SYCP2L: variants seen among roughly 807,000 people sequenced by gnomAD.
SYCP2L encodes the protein synaptonemal complex protein 2-like.
In SYCP2L, 98 loss-of-function variants were observed where a neutral mutation model predicts 125.8. The ratio of observed to expected loss-of-function variants is 0.78; its 90% CI spans 0.66 to 0.92. The LOEUF (loss-of-function observed/expected upper bound fraction) is 0.92. Among genes scored for constraint, SYCP2L ranks in the 40% least tolerant of loss-of-function variants. The pLI is 0.00. For synonymous variants in SYCP2L, 317 were observed against 325.4 expected, an observed-to-expected ratio of 0.97 and a Z score of 0.28; for missense variants, 842 against 936.4, an observed-to-expected ratio of 0.90 and a Z score of 1.32.
At chr6:10,948,538 A>C (rs1781355853) in intron 23 of SYCP2L, among the ~76,000 whole-genome samples, 1 of 152,168 alleles carries the variant, frequency 6.6e-6, no homozygotes, top group South Asian at 2.1e-4. Flanking sequence ...TATGTTGTTC[A>C]GCCATACTTG....
chr6:10,891,482 T>C, intron 1 of SYCP2L, 31 bp from the exon 2 acceptor site: 1 of 1,401,324 alleles, frequency 7.1e-7, no homozygotes, highest in Non-Finnish European at 9.8e-7. Context: ...GAAATAAAAA[T>C]TGTTTAAAAA....
intron 6 of SYCP2L, among the ~76,000 whole-genome samples, chr6:10,901,131 C>A (rs763150635): frequency 2.1e-4 from 32 of 152,146 alleles, no homozygotes; most frequent in Non-Finnish European, 2.5e-4. Flanking sequence ...CACAGTTTAT[C>A]CCTCTCTAGT....
At chr6:10,920,858 T>C (rs1780787117) in intron 14 of SYCP2L, among the ~76,000 whole-genome samples, 1 of 151,920 alleles carries the variant, frequency 6.6e-6, no homozygotes, top group Admixed American at 6.6e-5. Context: ...TTTAAGTTCA[T>C]GGGTACATGT....
intron 8 of SYCP2L, among the ~76,000 whole-genome samples, chr6:10,905,294 T>C (rs1200963874): frequency 2.0e-5 from 3 of 152,016 alleles, no homozygotes; most frequent in Non-Finnish European, 4.4e-5. Flanking sequence ...ATTATTATTA[T>C]TACCATTTTT....
chr6:10,939,884 A>G (rs755425907), intron 21 of SYCP2L, among the ~76,000 whole-genome samples: 2 of 152,256 alleles, frequency 1.3e-5, no homozygotes, highest in Non-Finnish European at 2.9e-5. Flanking sequence ...CAGCAAAGAA[A>G]GCAATCAATC....
intron 10 of SYCP2L, among the ~76,000 whole-genome samples, chr6:10,908,568 T>G (rs1428304475): frequency 6.6e-6 from 1 of 152,232 alleles, no homozygotes; most frequent in East Asian, 1.9e-4. Context: ...CCTCTTCTTT[T>G]AAAAAGTTTT....
At chr6:10,895,053 C>T (rs1001934721) in intron 4 of SYCP2L, among the ~76,000 whole-genome samples, 2 of 152,186 alleles carry the variant, frequency 1.3e-5, no homozygotes, top group Non-Finnish European at 1.5e-5. Context: ...TCCCAGACTC[C>T]TCTCAGGGAC....
Position 10,926,591 on chromosome 6 carries a change from C to A in SYCP2L, c.1312+159C>A, listed in dbSNP as rs372677401. Reference sequence around the variant, plus strand: ...GTTGCTGATAGCCTTGAATTGTTTTCTACACCTGTTAAGGTCTCTCTTGTG... The same window carrying A: ...GTTGCTGATAGCCTTGAATTGTTTTATACACCTGTTAAGGTCTCTCTTGTG... On this transcript the variant is annotated intron_variant, in intron 16 of 29. Coordinates refer to ENST00000283141, the MANE Select transcript of SYCP2L (RefSeq NM_001040274.3). 4.2e-4 allele frequency among the ~76,000 whole-genome samples: 64 copies of A among 152,146 alleles called. No individual in the cohort carries two copies. The South Asian group carries it at 0.013, about 32-fold the overall frequency.
In SYCP2L at chr6:10,909,744, A is replaced by G. The variant is rs928997966; in HGVS notation, c.820-404A>G. Among the ~76,000 whole-genome samples, 5 of 152,216 alleles carry G rather than the reference A, an allele frequency of 3.3e-5. No individual in the cohort carries two copies. The East Asian group carries it at 7.7e-4, about 23-fold the overall frequency. On this transcript the variant is annotated intron_variant, in intron 10 of 29. Transcript: ENST00000283141. ...CCAGATCACAGTTAATACATTTTGT[A>G]GGTTTGTGGTTGGTTAGTGCTGTGC...
At chr6:10,971,587 C>G (rs1321104688) in intron 29 of SYCP2L, among the ~76,000 whole-genome samples, 1 of 152,118 alleles carries the variant, frequency 6.6e-6, no homozygotes, top group Non-Finnish European at 1.5e-5. Flanking sequence ...CCAGAGACAA[C>G]CACCTCTTGA....
chr6:10,972,308 C>T (rs1781788021), intron 29 of SYCP2L, among the ~76,000 whole-genome samples: 2 of 152,060 alleles, frequency 1.3e-5, no homozygotes, highest in African/African-American at 4.8e-5. Flanking sequence ...TAAAAAAAGA[C>T]TAATCTGGGC....
At chr6:10,930,628 C>A in intron 19 of SYCP2L, 114 bp downstream of exon 19, 1 of 1,215,798 alleles carries the variant, frequency 8.2e-7, no homozygotes, top group Non-Finnish European at 1.1e-6. Context: ...GATTATGGGG[C>A]CAGCTTTCCC....
intron 25 of SYCP2L, among the ~76,000 whole-genome samples, chr6:10,957,752 G>A (rs1160699650): frequency 6.6e-6 from 1 of 152,198 alleles, no homozygotes. Context: ...AGCAGTTCAA[G>A]GTTACAGTGA....
chr6:10,891,695 G>C (rs189478112), intron 2 of SYCP2L, 114 bp downstream of exon 2: 5 of 674,208 alleles, frequency 7.4e-6, no homozygotes, highest in Non-Finnish European at 1.1e-5. Flanking sequence ...ATTCTTTCTA[G>C]TTCTGTGTTC....
rs1781493253 is a variant in SYCP2L at position 10,955,688 on chromosome 6, G to A, written c.2057-448G>A. Among the ~76,000 whole-genome samples, 3 of 152,344 alleles carry A rather than the reference G, an allele frequency of 2.0e-5. No individual in the cohort carries two copies. In the South Asian group the frequency reaches 6.2e-4, roughly 32 times the overall value. ...AGACAGCCTGGATTTGAATCCAGGA[G>A]CTGCTGGTATGAGCATGCAAGACTT... is the stretch of plus-strand genomic sequence containing the variant. On this transcript the variant is annotated intron_variant, in intron 24 of 29. Coordinates refer to ENST00000283141, the MANE Select transcript of SYCP2L (RefSeq NM_001040274.3).
At chr6:10,896,825 C>T (rs771327071) in intron 4 of SYCP2L, among the ~76,000 whole-genome samples, 1 of 152,170 alleles carries the variant, frequency 6.6e-6, no homozygotes, top group African/African-American at 2.4e-5. Context: ...TCCCAGGCTT[C>T]AGCAGTGGGG....
chr6:10,923,350 C>A (rs1181239242), intron 14 of SYCP2L, among the ~76,000 whole-genome samples: 1 of 149,072 alleles, frequency 6.7e-6, no homozygotes, highest in Admixed American at 6.7e-5. Flanking sequence ...TGGGAGGAGG[C>A]TGCAAGGAGG....
At position 10,954,848 on chromosome 6, in the gene SYCP2L, C is replaced by T. The variant is rs1409885419; in HGVS notation, c.1955-268C>T. Among the ~76,000 whole-genome samples, 1 of 152,134 alleles carries T rather than the reference C, an allele frequency of 6.6e-6. No individual in the cohort carries two copies. Among genetic ancestry groups the T allele is most frequent in the African/African-American group, 2.4e-5 (1 of 41,428 alleles). On this transcript the variant is annotated intron_variant, in intron 23 of 29. Transcript: ENST00000283141. This position sits in a 1 kb window ranked among gnomAD's most constrained non-coding sequence, Gnocchi z 4.8. The stretch of plus-strand genomic sequence containing the variant: ...CTACCATTACTGCTTAACTTAGGAA[C>T]GCTCTGCCTAGTGAGGGGTCTGTGC...
intron 25 of SYCP2L, among the ~76,000 whole-genome samples, chr6:10,958,332 C>T (rs1293234808): frequency 6.6e-6 from 1 of 151,926 alleles, no homozygotes; most frequent in Admixed American, 6.6e-5. Flanking sequence ...GGTGGAAGGC[C>T]AAGGGGGAGC....
Sources: gnomAD v4.1 joint callset for allele counts (sites outside exome capture counted in the v4.1 genomes callset) on GRCh38, gnomAD v4.1.1 for gene constraint, Gnocchi (gnomAD v3.1) non-coding constraint, MANE v1.5 for transcripts, NCBI Gene and HGNC (gene_info 2026-07-23, HGNC 2026-07-21) for gene names.